JAK1: variants seen among roughly 807,000 people sequenced by gnomAD.
JAK1 encodes the protein tyrosine-protein kinase JAK1.
Under a neutral mutation model 136.6 loss-of-function variants are expected in JAK1, and 16 were observed. That is an observed-to-expected ratio of 0.12 (90% CI 0.08 to 0.18). JAK1 has a LOEUF of 0.18. Ranked by LOEUF, JAK1 falls within the 10% of genes least tolerant of loss-of-function variation. The pLI, the probability that JAK1 is intolerant of heterozygous loss-of-function variation, is 1.00. For synonymous variants in JAK1, 492 were observed against 519.5 expected, an observed-to-expected ratio of 0.95 and a Z score of 0.72; for missense variants, 859 against 1,450.1, an observed-to-expected ratio of 0.59 and a Z score of 6.62.
chr1:64,883,116 T>C (rs1644799738), intron 3 of JAK1, among the ~76,000 whole-genome samples, 161 bp downstream of exon 3: 1 of 152,164 alleles, frequency 6.6e-6, no homozygotes, highest in Non-Finnish European at 1.5e-5. Flanking sequence ...ATCACTGGCC[T>C]AAGGTCACGT....
chr1:64,879,462 CA>C (rs1039320047), intron 3 of JAK1, among the ~76,000 whole-genome samples: 18 of 152,060 alleles, frequency 1.2e-4, no homozygotes, highest in African/African-American at 4.3e-4. Flanking sequence ...AATCCAGCTT[CA>C]AAAAAACCCC....
chr1:64,964,929 T>C (rs1272988573), intron 1 of JAK1, among the ~76,000 whole-genome samples: 2 of 152,118 alleles, frequency 1.3e-5, no homozygotes, highest in Non-Finnish European at 2.9e-5. Context: ...AAGAACACAT[T>C]GATCCTTCAA....
chr1:64,845,759 T>G (rs1655191688), intron 14 of JAK1, 119 bp from the exon 15 acceptor site: 2 of 1,237,298 alleles, frequency 1.6e-6, no homozygotes, highest in African/African-American at 1.5e-5. Context: ...ACAGATATCC[T>G]TGGGGGGTGC....
intron 13 of JAK1, among the ~76,000 whole-genome samples, chr1:64,847,293 G>T (rs1325967602): frequency 6.6e-6 from 1 of 152,180 alleles, no homozygotes; most frequent in Non-Finnish European, 1.5e-5. Flanking sequence ...CTTAGGAAAG[G>T]TGGGGGTTGG....
chr1:64,908,223 A>C (rs549872759), intron 1 of JAK1, among the ~76,000 whole-genome samples: 1 of 152,288 alleles, frequency 6.6e-6, no homozygotes, highest in Non-Finnish European at 1.5e-5. Context: ...CAAATTCTTA[A>C]ACATTAAACC....
chr1:64,946,255 A>G (rs543659956), intron 1 of JAK1, among the ~76,000 whole-genome samples: 45 of 152,334 alleles, frequency 3.0e-4, no homozygotes, highest in Non-Finnish European at 5.0e-4. Flanking sequence ...AGAATACAGG[A>G]GAGAGGAAAC....
At chr1:64,913,717 G>GGAAGGAAAGA (rs1645339533) in intron 1 of JAK1, among the ~76,000 whole-genome samples, 2 of 55,500 alleles carry the variant, frequency 3.6e-5, no homozygotes, top group African/African-American at 1.2e-4. Flanking sequence ...GGGAGGGAGG[G>GGAAGGAAAGA]AGGGAGGGAG....
intron 22 of JAK1, 59 bp downstream of exon 22, chr1:64,837,873 A>G (rs1488126443): frequency 1.4e-6 from 2 of 1,451,540 alleles, no homozygotes; most frequent in Admixed American, 3.8e-5. Flanking sequence ...GAAAGGGCCT[A>G]TTAAAACAGT....
chr1:65,004,818 A>G (rs1049727073), intron 2 of JAK1, among the ~76,000 whole-genome samples: 18 of 152,234 alleles, frequency 1.2e-4, no homozygotes, highest in African/African-American at 3.6e-4. Context: ...CAGAAGACCA[A>G]ATTGTGAAAT....
In JAK1 at chr1:64,867,699, GAGAA is replaced by G. The variant is rs1019991069; in HGVS notation, c.648-495_648-492del. On this transcript the variant is annotated intron_variant, in intron 6 of 24. Coordinates refer to ENST00000342505, the MANE Select transcript of JAK1 (RefSeq NM_002227.4). ...AGATCACATTTTTTATTTTAAAAAT[GAGAA>G]AGAAAGGCTGGGGGCGGTGGCTCAC... Among the ~76,000 whole-genome samples the G allele has an allele frequency of 3.9e-4, 59 of 152,172 alleles. 1 individual carries two copies. The highest frequency in any genetic ancestry group is 1.2e-3 in the African/African-American group (48 of 41,444).
intron 1 of JAK1, among the ~76,000 whole-genome samples, chr1:65,050,939 G>A (rs1647267631): frequency 2.0e-5 from 3 of 152,096 alleles, no homozygotes; most frequent in African/African-American, 7.2e-5. Flanking sequence ...TACTCTTTGA[G>A]GATTTCAATG....
intron 2 of JAK1, among the ~76,000 whole-genome samples, chr1:65,015,195 T>G (rs1226049527): frequency 6.6e-6 from 1 of 151,730 alleles, no homozygotes; most frequent in Non-Finnish European, 1.5e-5. Context: ...GTAAAGAGAG[T>G]GGTAAATATA....
intron 1 of JAK1, among the ~76,000 whole-genome samples, chr1:64,947,694 T>A (rs1437031931): frequency 2.6e-5 from 4 of 151,152 alleles, no homozygotes; most frequent in Non-Finnish European, 5.9e-5. Context: ...GAACAACAGG[T>A]CCCTGAACAA....
intron 14 of JAK1, among the ~76,000 whole-genome samples, chr1:64,846,242 C>T (rs1570624421): frequency 6.6e-6 from 1 of 152,126 alleles, no homozygotes; most frequent in African/African-American, 2.4e-5. Context: ...CAAGAAAGGG[C>T]CAAGCCTGCC....
intron 2 of JAK1, among the ~76,000 whole-genome samples, chr1:64,995,884 G>C (rs1015034965): frequency 6.6e-6 from 1 of 152,022 alleles, no homozygotes; most frequent in Non-Finnish European, 1.5e-5. Flanking sequence ...GACTACAGCT[G>C]TGCGCCACCC....
At chr1:64,951,701 C>T (rs1382414636) in intron 1 of JAK1, among the ~76,000 whole-genome samples, 6 of 131,374 alleles carry the variant, frequency 4.6e-5, no homozygotes, top group Non-Finnish European at 7.7e-5. Context: ...CTCTGTCGCC[C>T]AGGCTGGAGT....
intron 2 of JAK1, among the ~76,000 whole-genome samples, chr1:64,982,109 C>T (rs530454918): frequency 6.6e-6 from 1 of 151,664 alleles, no homozygotes; most frequent in Non-Finnish European, 1.5e-5. Flanking sequence ...CACGCACACA[C>T]ACACGCACAC....
intron 1 of JAK1, among the ~76,000 whole-genome samples, chr1:64,952,444 AT>A (rs1646108619): frequency 6.6e-6 from 1 of 152,100 alleles, no homozygotes; most frequent in Non-Finnish European, 1.5e-5. Context: ...TAGTTTTTTC[AT>A]TTGCTTGAGA....
At chr1:64,957,094 T>G (rs909966767) in intron 1 of JAK1, among the ~76,000 whole-genome samples, 1 of 152,034 alleles carries the variant, frequency 6.6e-6, no homozygotes, top group African/African-American at 2.4e-5. Flanking sequence ...CTCATGAGTG[T>G]AGAGGTGGCA....
Sources: gnomAD v4.1 joint callset for allele counts (sites outside exome capture counted in the v4.1 genomes callset) on GRCh38, gnomAD v4.1.1 for gene constraint, MANE v1.5 for transcripts, NCBI Gene and HGNC (gene_info 2026-07-23, HGNC 2026-07-21) for gene names.